Variants in CSGALNACT1 observed in about 807,000 individuals in gnomAD.
CSGALNACT1 encodes the protein beta4GalNAcT-1.
Under a neutral mutation model 51.0 loss-of-function variants are expected in CSGALNACT1, and 52 were observed. The observed-to-expected ratio is 1.02, with a 90% CI of 0.82 to 1.29. The LOEUF is 1.29. CSGALNACT1 is among the 50% of genes most tolerant of loss of function. CSGALNACT1 has a pLI of 0.00. For synonymous variants in CSGALNACT1, 341 were observed against 254.4 expected (o/e 1.34, Z -3.24); for missense variants, 935 against 679.2 (o/e 1.38, Z -4.19).
At chr8:19,488,922 G>A (rs1026655385) in intron 4 of CSGALNACT1, among the ~76,000 whole-genome samples, 2 of 152,238 alleles carry the variant, frequency 1.3e-5, no homozygotes, top group Middle Eastern at 3.4e-3. Flanking sequence ...GCAGAATACA[G>A]GGTTTTCATT....
chr8:19,442,953 AC>A (rs1475942424), intron 5 of CSGALNACT1, among the ~76,000 whole-genome samples: 5 of 152,068 alleles, frequency 3.3e-5, no homozygotes, highest in Non-Finnish European at 5.9e-5. Context: ...ACTGAAGTTC[AC>A]CCTTCCCAAG....
At chr8:19,655,100 C>G (rs190986319) in intron 1 of CSGALNACT1, among the ~76,000 whole-genome samples, 24 of 152,272 alleles carry the variant, frequency 1.6e-4, no homozygotes, top group Non-Finnish European at 3.1e-4. Flanking sequence ...ACACCATGGC[C>G]TAATCGCTCT....
intron 1 of CSGALNACT1, among the ~76,000 whole-genome samples, chr8:19,610,702 C>G (rs1385902427): frequency 2.0e-5 from 3 of 152,240 alleles, no homozygotes; most frequent in African/African-American, 7.2e-5. Context: ...ACTCTACCCA[C>G]TTCTGACTTT....
At chr8:19,512,300 T>C (rs1406762046) in intron 3 of CSGALNACT1, among the ~76,000 whole-genome samples, 3 of 152,108 alleles carry the variant, frequency 2.0e-5, no homozygotes, top group Non-Finnish European at 4.4e-5. Flanking sequence ...AGCTTGAAAA[T>C]GCGTTCTGCA....
intron 3 of CSGALNACT1, among the ~76,000 whole-genome samples, chr8:19,543,923 T>C (rs2154074108): frequency 6.6e-6 from 1 of 152,358 alleles, no homozygotes; most frequent in African/African-American, 2.4e-5. Context: ...TTGTTAATTT[T>C]TCTAAAGAGG....
upstream of CSGALNACT1, among the ~76,000 whole-genome samples, chr8:19,686,980 T>C (rs140663838): frequency 2.3e-4 from 35 of 152,292 alleles, no homozygotes; most frequent in South Asian, 5.0e-3. Context: ...GACCAAATCA[T>C]ACACAATATA....
intron 1 of CSGALNACT1, among the ~76,000 whole-genome samples, chr8:19,611,349 C>A (rs182227516): frequency 6.6e-6 from 1 of 152,242 alleles, no homozygotes; most frequent in Non-Finnish European, 1.5e-5. Context: ...TGTGCACCAC[C>A]ACACCCGGTT....
intron 5 of CSGALNACT1, among the ~76,000 whole-genome samples, chr8:19,455,748 G>T (rs1432146408): frequency 1.3e-5 from 2 of 152,184 alleles, no homozygotes; most frequent in African/African-American, 4.8e-5. Context: ...AGTGTCAGCT[G>T]TCCTGGCCAG....
At chr8:19,747,331 C>T (rs989658700) in intron 1 of CSGALNACT1, among the ~76,000 whole-genome samples, 1 of 152,060 alleles carries the variant, frequency 6.6e-6, no homozygotes, top group African/African-American at 2.4e-5. Flanking sequence ...GTTCTACATA[C>T]AGGGTCTAAG....
At chr8:19,744,903 T>C (rs570617538) in intron 1 of CSGALNACT1, among the ~76,000 whole-genome samples, 2 of 152,334 alleles carry the variant, frequency 1.3e-5, no homozygotes, top group South Asian at 4.1e-4. Flanking sequence ...TTGTGTAAAC[T>C]ATGGTCCCTA....
chr8:19,750,418 G>T (rs1238178800), intron 1 of CSGALNACT1, among the ~76,000 whole-genome samples: 1 of 152,168 alleles, frequency 6.6e-6, no homozygotes, highest in Non-Finnish European at 1.5e-5. Flanking sequence ...TCAGTAGGGG[G>T]CAGCGGGGAA....
At chr8:19,489,911 G>A (rs1288442094) in intron 4 of CSGALNACT1, among the ~76,000 whole-genome samples, 2 of 152,136 alleles carry the variant, frequency 1.3e-5, no homozygotes, top group Non-Finnish European at 2.9e-5. Flanking sequence ...CTAGCCCTGT[G>A]TGTTCTAACC....
chr8:19,477,923 C>A (rs561063509), intron 4 of CSGALNACT1, among the ~76,000 whole-genome samples: 38 of 152,280 alleles, frequency 2.5e-4, no homozygotes, highest in Admixed American at 2.5e-3. Flanking sequence ...AGAAGCCATG[C>A]GCCAGTTAGA....
At chr8:19,616,802 C>G (rs2053086595) in intron 1 of CSGALNACT1, among the ~76,000 whole-genome samples, 1 of 152,166 alleles carries the variant, frequency 6.6e-6, no homozygotes, top group Non-Finnish European at 1.5e-5. Flanking sequence ...CCAGTGCCAT[C>G]CACGTACAAT....
At chr8:19,523,936 G>C (rs185520340) in intron 3 of CSGALNACT1, among the ~76,000 whole-genome samples, 4 of 152,280 alleles carry the variant, frequency 2.6e-5, no homozygotes, top group East Asian at 3.9e-4. Context: ...CTTTCAAGTT[G>C]AGTATTATTT....
upstream of CSGALNACT1, among the ~76,000 whole-genome samples, chr8:19,604,367 T>C (rs115517543): frequency 9.3e-3 from 1,418 of 152,318 alleles, 16 homozygotes; most frequent in African/African-American, 0.032. Context: ...CCACACAAGC[T>C]ATGTTACACA....
intron 1 of CSGALNACT1, among the ~76,000 whole-genome samples, chr8:19,718,748 A>G (rs1365230695): frequency 6.6e-6 from 1 of 152,052 alleles, no homozygotes; most frequent in Non-Finnish European, 1.5e-5. Flanking sequence ...TGCCTCCCAC[A>G]CACAAAGCTC....
At chr8:19,464,805 C>A (rs553432955) in intron 4 of CSGALNACT1, among the ~76,000 whole-genome samples, 1 of 152,132 alleles carries the variant, frequency 6.6e-6, no homozygotes, top group Non-Finnish European at 1.5e-5. Flanking sequence ...TTGTCTTCCA[C>A]AAAACTGGTG....
chr8:19,553,041 G>C (rs564780174), intron 3 of CSGALNACT1, among the ~76,000 whole-genome samples: 36 of 152,204 alleles, frequency 2.4e-4, no homozygotes, highest in Non-Finnish European at 4.4e-4. Context: ...TTATGTTATC[G>C]TTTTTGTTAA....
Sources: gnomAD v4.1 joint callset for allele counts (sites outside exome capture counted in the v4.1 genomes callset) on GRCh38, gnomAD v4.1.1 for gene constraint, MANE v1.5 for transcripts, NCBI Gene and HGNC (gene_info 2026-07-23, HGNC 2026-07-21) for gene names.